FARS2: variants seen among roughly 807,000 people sequenced by gnomAD.
FARS2 encodes phenylalanine--tRNA ligase, mitochondrial.
FARS2 carries 40 observed loss-of-function variants against 46.4 expected under a neutral mutation model. The ratio of observed to expected loss-of-function variants is 0.86; its 90% CI spans 0.67 to 1.12. The LOEUF (loss-of-function observed/expected upper bound fraction) is 1.12, where lower values mean the gene tolerates loss of function less well. FARS2 is among the 50% of genes most tolerant of loss of function. FARS2 has a pLI of 0.00. For synonymous variants in FARS2, 234 were observed against 214.9 expected (o/e 1.09, Z -0.78); for missense variants, 513 against 567.9 (o/e 0.90, Z 0.98).
At chr6:5,562,045 A>G (rs1443415393) in intron 5 of FARS2, among the ~76,000 whole-genome samples, 1 of 151,906 alleles carries the variant, frequency 6.6e-6, no homozygotes, top group African/African-American at 2.4e-5. Context: ...AGTAATTTGA[A>G]TATCTTCAGT....
At position 5,621,285 on chromosome 6, in the gene FARS2, C is replaced by A. The variant is rs149306740; in HGVS notation, c.1217+7965C>A. 5.3e-3 allele frequency among the ~76,000 whole-genome samples: 805 copies of A among 151,104 alleles called. 11 individuals are homozygous for A. The highest frequency in any genetic ancestry group is 0.019 in the African/African-American group (763 of 41,108). The stretch of plus-strand genomic sequence containing the variant: ...TTTTTTTTTTAATAGAGATGGAGGT[C>A]TTGCTTCGTTGCCCAGGCCGATCTT... On this transcript the variant is annotated intron_variant, in intron 6 of 6. Transcript: ENST00000274680.
At chr6:5,761,832 G>A (rs2150979020) in intron 6 of FARS2, among the ~76,000 whole-genome samples, 1 of 150,538 alleles carries the variant, frequency 6.6e-6, no homozygotes, top group East Asian at 1.9e-4. Flanking sequence ...AAAAAAAGAG[G>A]CATTTGTATA....
intron 5 of FARS2, among the ~76,000 whole-genome samples, chr6:5,577,483 G>C (rs886326906): frequency 6.6e-6 from 1 of 152,146 alleles, no homozygotes; most frequent in Admixed American, 6.5e-5. Context: ...CCATTAAAAG[G>C]AAGCAGGGCT....
At chr6:5,475,134 G>T (rs1766046107) in intron 4 of FARS2, among the ~76,000 whole-genome samples, 1 of 152,196 alleles carries the variant, frequency 6.6e-6, no homozygotes, top group Non-Finnish European at 1.5e-5. Flanking sequence ...GCAGATAGGA[G>T]AAATGACTTC....
At position 5,557,626 on chromosome 6, in the gene FARS2, C is replaced by T. The variant is rs1368624990; in HGVS notation, c.1065+12286C>T. Among the ~76,000 whole-genome samples the T allele has an allele frequency of 2.6e-5, 4 of 152,110 alleles. No individual in the cohort carries two copies. In the East Asian group the frequency reaches 5.8e-4, roughly 22 times the overall value. ...TCATGGCCTATCGAGAAAGATATCT[C>T]TTGTTACTGTAGATATTTTTATGAA... On this transcript the variant is annotated intron_variant, in intron 5 of 6. Transcript: ENST00000274680.
intron 4 of FARS2, among the ~76,000 whole-genome samples, chr6:5,492,243 T>C (rs558734161): frequency 1.8e-4 from 27 of 152,354 alleles, no homozygotes; most frequent in African/African-American, 6.5e-4. Context: ...TATATTGTCA[T>C]ATTTGAACGC....
At chr6:5,627,586 C>G (rs1776097036) in intron 6 of FARS2, among the ~76,000 whole-genome samples, 2 of 152,188 alleles carry the variant, frequency 1.3e-5, no homozygotes, top group African/African-American at 4.8e-5. Flanking sequence ...TAACCCATTT[C>G]TCTGTTATAG....
At chr6:5,332,990 T>C (rs1770903780) in intron 1 of FARS2, among the ~76,000 whole-genome samples, 1 of 152,250 alleles carries the variant, frequency 6.6e-6, no homozygotes, top group Non-Finnish European at 1.5e-5. Context: ...AATGTTATAC[T>C]AATATTGATT....
chr6:5,350,678 A>C (rs1209727735), intron 1 of FARS2, among the ~76,000 whole-genome samples: 1 of 152,244 alleles, frequency 6.6e-6, no homozygotes, highest in Non-Finnish European at 1.5e-5. Context: ...AAATTAGCCC[A>C]AAATGAATCA....
chr6:5,713,925 C>G (rs753585623), intron 6 of FARS2, among the ~76,000 whole-genome samples: 1 of 152,226 alleles, frequency 6.6e-6, no homozygotes, highest in East Asian at 1.9e-4. Flanking sequence ...GTTTAAATCT[C>G]TCTTTGGCTG....
At chr6:5,704,767 C>G (rs1435246983) in intron 6 of FARS2, among the ~76,000 whole-genome samples, 1 of 152,152 alleles carries the variant, frequency 6.6e-6, no homozygotes, top group Non-Finnish European at 1.5e-5. Flanking sequence ...AAGGAAAATA[C>G]AAATAGGAAA....
At chr6:5,279,802 C>A (rs2127850583) in intron 1 of FARS2, among the ~76,000 whole-genome samples, 1 of 152,196 alleles carries the variant, frequency 6.6e-6, no homozygotes, top group African/African-American at 2.4e-5. Context: ...CTTACTCAGC[C>A]ATTTTTCTAT....
intron 4 of FARS2, among the ~76,000 whole-genome samples, chr6:5,514,044 G>C (rs1224990130): frequency 6.6e-6 from 1 of 151,002 alleles, no homozygotes. Context: ...AGTATACAAT[G>C]CAGTAAAGTA....
intron 1 of FARS2, among the ~76,000 whole-genome samples, chr6:5,351,509 G>C (rs1757571407): frequency 6.6e-6 from 1 of 152,150 alleles, no homozygotes; most frequent in Admixed American, 6.5e-5. Context: ...AAGATTTTCA[G>C]CTGTTCTTTG....
At chr6:5,443,865 T>C (rs1400813751) in intron 4 of FARS2, among the ~76,000 whole-genome samples, 1 of 152,262 alleles carries the variant, frequency 6.6e-6, no homozygotes, top group Non-Finnish European at 1.5e-5. Context: ...AGCTCATTTA[T>C]TTCTCTCAAG....
rs1762642782 is a variant in FARS2, at chr6:5,764,360, C to T, written c.1218-6931C>T. ...GCCATGGAACCTGTCCTCACTTCCT[C>T]CTCCTCCTCCTGCCTTACTGTGCCT... On this transcript the variant is annotated intron_variant, in intron 6 of 6. Coordinates refer to ENST00000274680, the MANE Select transcript of FARS2 (RefSeq NM_006567.5). This position sits in a 1 kb window ranked among gnomAD's most constrained non-coding sequence, Gnocchi z 4.1. Among the ~76,000 whole-genome samples the T allele has an allele frequency of 6.6e-6, 1 of 152,164 alleles. No individual in the cohort carries two copies. The highest frequency in any genetic ancestry group is 1.5e-5 in the Non-Finnish European group (1 of 68,010).
At chr6:5,515,678 C>T (rs1768742063) in intron 4 of FARS2, among the ~76,000 whole-genome samples, 1 of 152,164 alleles carries the variant, frequency 6.6e-6, no homozygotes, top group Admixed American at 6.5e-5. Context: ...ATCTGCCTGC[C>T]TTGGCCTCCC....
intron 1 of FARS2, among the ~76,000 whole-genome samples, chr6:5,296,129 CTTTTTTTTTTTTTTT>C (rs70974187): frequency 1.3e-4 from 7 of 55,074 alleles, no homozygotes; most frequent in South Asian, 8.9e-4. Context: ...TCATTTTGGC[CTTTTTTTTTTTTTTT>C]TTTTTTTTTT....
intron 1 of FARS2, among the ~76,000 whole-genome samples, chr6:5,262,031 C>CA (rs1765181395): frequency 6.6e-6 from 1 of 152,184 alleles, no homozygotes; most frequent in Admixed American, 6.5e-5. Context: ...ACTGTGTTTG[C>CA]AAAGCACTTT....
Sources: allele counts gnomAD v4.1 joint callset (sites outside exome capture counted in the v4.1 genomes callset), GRCh38; gene constraint gnomAD v4.1.1; non-coding constraint Gnocchi (gnomAD v3.1); transcripts MANE v1.5; gene names NCBI Gene and HGNC (gene_info 2026-07-23, HGNC 2026-07-21).